Variants in DNAAF9 observed in about 807,000 individuals in gnomAD.
DNAAF9 encodes dynein axonemal assembly factor 9.
In DNAAF9, 90 loss-of-function variants were observed where a neutral mutation model predicts 167.0. The ratio of observed to expected loss-of-function variants is 0.54; its 90% confidence interval spans 0.45 to 0.64. The LOEUF is 0.64. Ranked by LOEUF, DNAAF9 falls within the 30% of genes least tolerant of loss-of-function variation. The probability of loss-of-function intolerance (pLI) is 0.00; values close to 1 mark genes in which losing one functional copy is unlikely to be tolerated. For missense variants in DNAAF9, 1,315 were observed against 1,442.2 expected (o/e 0.91, Z 1.43); for synonymous variants, 491 against 508.8 (o/e 0.96, Z 0.47).
chr20:3,300,385 T>C (rs537181892), intron 21 of DNAAF9, among the ~76,000 whole-genome samples: 1 of 152,176 alleles, frequency 6.6e-6, no homozygotes, highest in Non-Finnish European at 1.5e-5. Flanking sequence ...AGTGTACAAG[T>C]CTCTCACTTT....
intron 6 of DNAAF9, among the ~76,000 whole-genome samples, chr20:3,367,332 C>T (rs573596142): frequency 9.1e-4 from 139 of 152,320 alleles, no homozygotes; most frequent in African/African-American, 3.0e-3. Context: ...ATCAGCAATA[C>T]GGTTGTTTCA....
chr20:3,298,099 T>A lies in DNAAF9; in HGVS notation c.1859A>T (p.His620Leu), dbSNP rs767633085. The A allele has an allele frequency of 6.2e-7, 1 of 1,612,696 alleles. No individual in the cohort carries two copies. The highest frequency in any genetic ancestry group is 1.3e-5 in the African/African-American group (1 of 74,872). ...SLLPHLPVHF[H>L]GSSNFLMIAL... ...AATCATCAGAAAATTGCTTGATCCA[T>A]GGAAATGAACTGGGAGGTGAGGAAG... The change falls in exon 22 of 37, where the codon CAT (histidine) becomes CTT (leucine). Residue 620 changes from histidine to leucine, a missense_variant. Transcript: ENST00000252032.
chr20:3,355,878 A>G (rs571377804), intron 7 of DNAAF9, among the ~76,000 whole-genome samples: 1 of 151,428 alleles, frequency 6.6e-6, no homozygotes, highest in South Asian at 2.1e-4. Context: ...TTTTGATAAC[A>G]GCTAATTTCT....
At chr20:3,325,370 T>C (rs893460395) in intron 13 of DNAAF9, among the ~76,000 whole-genome samples, 2 of 152,106 alleles carry the variant, frequency 1.3e-5, no homozygotes, top group Non-Finnish European at 2.9e-5. Context: ...AATATCCAAA[T>C]AGCAAGAGTT....
chr20:3,350,148 G>GACACACAC (rs1324124710), intron 7 of DNAAF9, among the ~76,000 whole-genome samples: 105 of 68,980 alleles, frequency 1.5e-3, no homozygotes, highest in African/African-American at 2.0e-3. Flanking sequence ...CAGACACACA[G>GACACACAC]ACACACAGAC....
intron 6 of DNAAF9, among the ~76,000 whole-genome samples, chr20:3,369,491 C>T (rs1250091487): frequency 8.5e-5 from 13 of 152,208 alleles, no homozygotes; most frequent in East Asian, 1.9e-4. Context: ...ATTCTCCTGC[C>T]TCAGCCTCCC....
chr20:3,388,755 G>A (rs2083785216), intron 1 of DNAAF9, among the ~76,000 whole-genome samples: 1 of 152,206 alleles, frequency 6.6e-6, no homozygotes, highest in South Asian at 2.1e-4. Flanking sequence ...CACAGAGACA[G>A]AAGGTAGATA....
intron 3 of DNAAF9, among the ~76,000 whole-genome samples, chr20:3,378,063 C>T (rs1436711085): frequency 2.0e-5 from 3 of 152,188 alleles, no homozygotes; most frequent in East Asian, 1.9e-4. Context: ...AGTTGCAGAA[C>T]GAGTCAAAGA....
chr20:3,347,555 T>C (rs2070218646), intron 8 of DNAAF9, among the ~76,000 whole-genome samples: 1 of 152,216 alleles, frequency 6.6e-6, no homozygotes, highest in African/African-American at 2.4e-5. Context: ...TAAGACTTTT[T>C]CCCTATTATT....
chr20:3,310,831 G>A (rs1375758842), intron 20 of DNAAF9, among the ~76,000 whole-genome samples: 1 of 152,084 alleles, frequency 6.6e-6, no homozygotes, highest in African/African-American at 2.4e-5. Context: ...TAAGAGAAAT[G>A]TAAATTAAAA....
chr20:3,377,011 G>A (rs564564811), intron 3 of DNAAF9, among the ~76,000 whole-genome samples: 1 of 152,364 alleles, frequency 6.6e-6, no homozygotes, highest in East Asian at 1.9e-4. Flanking sequence ...AGAGGTTGCA[G>A]TGAGCTGAGA....
chr20:3,350,860 G>A (rs1041286061), intron 7 of DNAAF9, among the ~76,000 whole-genome samples: 7 of 152,134 alleles, frequency 4.6e-5, no homozygotes, highest in Non-Finnish European at 1.0e-4. Context: ...CATCAAATAT[G>A]TTTAAATCTA....
At chr20:3,293,388 A>G (rs1038291298) in intron 25 of DNAAF9, among the ~76,000 whole-genome samples, 1 of 151,282 alleles carries the variant, frequency 6.6e-6, no homozygotes, top group Non-Finnish European at 1.5e-5. Context: ...AGAGCAGATT[A>G]AAATCCACTC....
intron 10 of DNAAF9, among the ~76,000 whole-genome samples, chr20:3,338,818 A>G (rs1341599983): frequency 6.6e-6 from 1 of 151,708 alleles, no homozygotes; most frequent in Non-Finnish European, 1.5e-5. Flanking sequence ...ACACCCAGCT[A>G]ATTTTTTGTA....
chr20:3,335,212 C>T (rs1568611558), intron 10 of DNAAF9, among the ~76,000 whole-genome samples: 1 of 151,904 alleles, frequency 6.6e-6, no homozygotes, highest in Non-Finnish European at 1.5e-5. Flanking sequence ...TCCAAGATTC[C>T]TTCTTTTATC....
At chr20:3,258,557 C>G (rs2068322710) in intron 33 of DNAAF9, among the ~76,000 whole-genome samples, 1 of 152,126 alleles carries the variant, frequency 6.6e-6, no homozygotes, top group Non-Finnish European at 1.5e-5. Context: ...ACAAAGGCAC[C>G]CACAGGAAGA....
At chr20:3,340,328 TA>T (rs201853648) in intron 10 of DNAAF9, among the ~76,000 whole-genome samples, 175 bp downstream of exon 10, 96 of 135,326 alleles carry the variant, frequency 7.1e-4, no homozygotes, top group African/African-American at 2.5e-3. Context: ...GTTTGTACTA[TA>T]AAAAAAGTAC....
At chr20:3,353,395 G>A (rs1428106824) in intron 7 of DNAAF9, among the ~76,000 whole-genome samples, 1 of 152,050 alleles carries the variant, frequency 6.6e-6, no homozygotes, top group Non-Finnish European at 1.5e-5. Context: ...CACTTTGGGA[G>A]TGGGCAGATC....
intron 21 of DNAAF9, among the ~76,000 whole-genome samples, chr20:3,301,380 A>AT (rs1282770231): frequency 6.6e-6 from 1 of 151,832 alleles, no homozygotes; most frequent in Non-Finnish European, 1.5e-5. Context: ...TAGAGACGGC[A>AT]TTTCACCATG....
Sources: allele counts gnomAD v4.1 joint callset (sites outside exome capture counted in the v4.1 genomes callset), GRCh38; gene constraint gnomAD v4.1.1; transcripts MANE v1.5; gene names NCBI Gene and HGNC (gene_info 2026-07-23, HGNC 2026-07-21).